CACNB2: variants seen among roughly 807,000 people sequenced by gnomAD.
CACNB2 encodes the protein voltage-dependent L-type calcium channel subunit beta-2.
CACNB2 carries 42 observed loss-of-function variants against 73.3 expected under a neutral mutation model. The observed-to-expected ratio is 0.57, with a 90% CI of 0.45 to 0.74. The LOEUF (loss-of-function observed/expected upper bound fraction) is 0.74, where lower values mean the gene tolerates loss of function less well. Ranked by LOEUF, CACNB2 falls within the 30% of genes least tolerant of loss-of-function variation. CACNB2 has a pLI of 0.00. For missense variants in CACNB2, 940 were observed against 853.0 expected, an observed-to-expected ratio of 1.10 and a Z score of -1.27; for synonymous variants, 348 against 310.3, an observed-to-expected ratio of 1.12 and a Z score of -1.28.
intron 2 of CACNB2, among the ~76,000 whole-genome samples, chr10:18,211,771 A>G (rs932688892): frequency 2.0e-5 from 3 of 152,184 alleles, no homozygotes; most frequent in Non-Finnish European, 2.9e-5. Flanking sequence ...GGAGCAGTTC[A>G]TTCATTTTCA....
At chr10:18,465,508 C>T (rs1438204473) in intron 3 of CACNB2, among the ~76,000 whole-genome samples, 1 of 152,028 alleles carries the variant, frequency 6.6e-6, no homozygotes, top group Non-Finnish European at 1.5e-5. Context: ...TTTTGGAGCA[C>T]CCTCGTTCCA....
At chr10:18,220,691 C>T (rs1429756610) in intron 2 of CACNB2, among the ~76,000 whole-genome samples, 1 of 152,132 alleles carries the variant, frequency 6.6e-6, no homozygotes, top group Non-Finnish European at 1.5e-5. Flanking sequence ...GCAAGCATTG[C>T]AGCCTGAGCT....
chr10:18,231,385 G>A (rs552993699), intron 2 of CACNB2, among the ~76,000 whole-genome samples: 1 of 152,190 alleles, frequency 6.6e-6, no homozygotes, highest in Non-Finnish European at 1.5e-5. Flanking sequence ...CGCCATGTTG[G>A]CCAGGCTGGT....
At chr10:18,383,653 C>T (rs1376588907) in intron 2 of CACNB2, among the ~76,000 whole-genome samples, 1 of 151,938 alleles carries the variant, frequency 6.6e-6, no homozygotes, top group East Asian at 1.9e-4. Flanking sequence ...GATGGTGCAC[C>T]AGAAGGTTGG....
Position 18,366,144 on chromosome 10 carries a change from T to A in CACNB2, c.214-35780T>A, listed in dbSNP as rs572705518. On this transcript the variant is annotated intron_variant, in intron 2 of 13. Coordinates refer to ENST00000324631, the MANE Select transcript of CACNB2 (RefSeq NM_201596.3). ...ATGTAGGAGCCTTTCCACATCTAGGTCTGGGTCATGTAAATAAACAGAAAC... is the reference window on the plus strand; with the variant it reads ...ATGTAGGAGCCTTTCCACATCTAGGACTGGGTCATGTAAATAAACAGAAAC... Among the ~76,000 whole-genome samples, 13 of 152,270 alleles carry A rather than the reference T, an allele frequency of 8.5e-5. 1 individual carries two copies. In the South Asian group the frequency reaches 2.3e-3, roughly 27 times the overall value.
intron 2 of CACNB2, among the ~76,000 whole-genome samples, chr10:18,302,822 C>T (rs940869853): frequency 1.6e-4 from 25 of 152,016 alleles, no homozygotes; most frequent in African/African-American, 5.5e-4. Context: ...CTCATGTAAC[C>T]GAACACCACC....
At chr10:18,391,844 C>T (rs1489918879) in intron 2 of CACNB2, among the ~76,000 whole-genome samples, 1 of 142,128 alleles carries the variant, frequency 7.0e-6, no homozygotes, top group African/African-American at 2.6e-5. Flanking sequence ...GGGTGGATCC[C>T]TTGAGCTCAG....
At chr10:18,202,981 A>G (rs2034948037) in intron 2 of CACNB2, among the ~76,000 whole-genome samples, 1 of 152,210 alleles carries the variant, frequency 6.6e-6, no homozygotes, top group South Asian at 2.1e-4. Flanking sequence ...CAGAGTCCCC[A>G]TTAAGCGAGC....
intron 3 of CACNB2, among the ~76,000 whole-genome samples, chr10:18,434,835 G>T (rs996145547): frequency 1.3e-5 from 2 of 152,190 alleles, no homozygotes; most frequent in African/African-American, 4.8e-5. Flanking sequence ...CTAGCTATCA[G>T]AGTGATAAAG....
chr10:18,303,411 A>G (rs1323594209), intron 2 of CACNB2, among the ~76,000 whole-genome samples: 1 of 152,152 alleles, frequency 6.6e-6, no homozygotes, highest in Non-Finnish European at 1.5e-5. Flanking sequence ...GGGCTGAGAT[A>G]GAAGGCTCGC....
At chr10:18,392,219 C>A (rs1043057879) in intron 2 of CACNB2, among the ~76,000 whole-genome samples, 5 of 151,968 alleles carry the variant, frequency 3.3e-5, no homozygotes, top group Admixed American at 1.3e-4. Context: ...GTGTAGAGAT[C>A]AGCGGAAGAG....
intron 2 of CACNB2, among the ~76,000 whole-genome samples, chr10:18,228,445 A>AAAAAAAAAAAAAAAAGAAAAG (rs1359204235): frequency 6.7e-6 from 1 of 148,158 alleles, no homozygotes; most frequent in African/African-American, 2.5e-5. Context: ...AAAAAAAAAA[A>AAAAAAAAAAAAAAAAGAAAAG]AAAAGAAAAA....
At chr10:18,359,732 TC>T (rs2042069059) in intron 2 of CACNB2, among the ~76,000 whole-genome samples, 1 of 152,096 alleles carries the variant, frequency 6.6e-6, no homozygotes, top group Non-Finnish European at 1.5e-5. Context: ...TAGGTATTTC[TC>T]CTAATGCTGT....
chr10:18,343,309 G>GT (rs561836433), intron 2 of CACNB2, among the ~76,000 whole-genome samples: 268 of 151,104 alleles, frequency 1.8e-3, no homozygotes, highest in African/African-American at 5.1e-3. Context: ...ATTTGGGCAG[G>GT]TTTTTTTTTA....
At chr10:18,185,650 C>G (rs1251893808) in intron 2 of CACNB2, among the ~76,000 whole-genome samples, 2 of 152,192 alleles carry the variant, frequency 1.3e-5, no homozygotes, top group African/African-American at 4.8e-5. Context: ...GAAAATACAT[C>G]TTTTACCTTG....
At chr10:18,354,619 G>A (rs1045392404) in intron 2 of CACNB2, among the ~76,000 whole-genome samples, 9 of 152,132 alleles carry the variant, frequency 5.9e-5, no homozygotes, top group African/African-American at 2.2e-4. Context: ...GTTTTTGCTT[G>A]TATGTTTGTT....
At chr10:18,538,850 A>G (rs10828871) in intron 13 of CACNB2, among the ~76,000 whole-genome samples, 53,115 of 151,904 alleles carry the variant, frequency 0.35, 9,880 homozygotes, top group East Asian at 0.74. Flanking sequence ...AGCATTTGCT[A>G]TTTTTAATAT....
At chr10:18,433,488 C>G (rs1589339928) in intron 3 of CACNB2, among the ~76,000 whole-genome samples, 1 of 152,088 alleles carries the variant, frequency 6.6e-6, no homozygotes, top group Non-Finnish European at 1.5e-5. Context: ...GGAAAAATAG[C>G]TGATGTTTCT....
At chr10:18,197,921 T>C (rs930652609) in intron 2 of CACNB2, among the ~76,000 whole-genome samples, 17 of 148,388 alleles carry the variant, frequency 1.1e-4, no homozygotes, top group Admixed American at 2.0e-4. Context: ...TATGAATATA[T>C]ATTAATGGTT....
Sources: gnomAD v4.1 joint callset for allele counts (sites outside exome capture counted in the v4.1 genomes callset) on GRCh38, gnomAD v4.1.1 for gene constraint, MANE v1.5 for transcripts, NCBI Gene and HGNC (gene_info 2026-07-23, HGNC 2026-07-21) for gene names.